Variants in PAK5 observed in about 807,000 individuals in gnomAD.
The protein encoded by PAK5 is p21 (RAC1) activated kinase 5.
Under a neutral mutation model 65.9 loss-of-function variants are expected in PAK5, and 16 were observed. That is an observed-to-expected ratio of 0.24 (90% CI 0.16 to 0.37). PAK5 has a LOEUF of 0.37. Among genes scored for constraint, PAK5 ranks in the 10% least tolerant of loss-of-function variants. The pLI is 1.00. For missense variants in PAK5, 785 were observed against 903.9 expected (o/e 0.87, Z 1.69); for synonymous variants, 371 against 354.9 (o/e 1.05, Z -0.51).
At chr20:9,834,133 A>C (rs1312955306) in intron 1 of PAK5, among the ~76,000 whole-genome samples, 1 of 152,240 alleles carries the variant, frequency 6.6e-6, no homozygotes, top group Non-Finnish European at 1.5e-5. Flanking sequence ...GGTTACTTAC[A>C]TTAAAAACTT....
At position 9,776,403 on chromosome 20, in the gene PAK5, T is replaced by C. The variant is rs547834579; in HGVS notation, c.-162+62359A>G. On this transcript the variant is annotated intron_variant, in intron 1 of 9. Transcript: ENST00000353224. ...AAGCAGTAACCCATTCCTTGCACTGTGGGAGCTTATATTCTAATGGGGAGT... is the reference window on the plus strand; with the variant it reads ...AAGCAGTAACCCATTCCTTGCACTGCGGGAGCTTATATTCTAATGGGGAGT... 3.3e-5 allele frequency among the ~76,000 whole-genome samples: 5 copies of C among 152,332 alleles called. No homozygotes were observed. In the South Asian group the frequency reaches 8.3e-4, roughly 25 times the overall value.
chr20:9,610,065 A>G (rs1020023987), intron 3 of PAK5, among the ~76,000 whole-genome samples: 1 of 152,090 alleles, frequency 6.6e-6, no homozygotes, highest in African/African-American at 2.4e-5. Context: ...AAAACGACTC[A>G]AGCCTGCCCC....
At chr20:9,639,015 A>T (rs1164847150) in intron 3 of PAK5, among the ~76,000 whole-genome samples, 1 of 152,108 alleles carries the variant, frequency 6.6e-6, no homozygotes, top group Non-Finnish European at 1.5e-5. Flanking sequence ...GTTCTATTTA[A>T]CTTAAATAAT....
At chr20:9,832,966 A>G (rs1978847009) in intron 1 of PAK5, among the ~76,000 whole-genome samples, 1 of 152,240 alleles carries the variant, frequency 6.6e-6, no homozygotes, top group African/African-American at 2.4e-5. Flanking sequence ...TTTAAAATGC[A>G]TGCATTGCTG....
intron 3 of PAK5, among the ~76,000 whole-genome samples, chr20:9,624,956 T>C (rs115820255): frequency 6.6e-6 from 1 of 152,222 alleles, no homozygotes; most frequent in South Asian, 2.1e-4. Flanking sequence ...TCACATTGGT[T>C]TGTGGGCAAC....
intron 2 of PAK5, among the ~76,000 whole-genome samples, chr20:9,680,316 A>C (rs2047632458): frequency 6.6e-6 from 1 of 152,222 alleles, no homozygotes; most frequent in South Asian, 2.1e-4. Context: ...GGTTCTCAGA[A>C]GCTGATCCTT....
In PAK5 at chr20:9,743,410, C is replaced by T. The variant is rs573904568; in HGVS notation, c.-161-31975G>A. 9.5e-3 allele frequency among the ~76,000 whole-genome samples: 1,408 copies of T among 148,466 alleles called. 24 individuals are homozygous for T. Among genetic ancestry groups the T allele is most frequent in the African/African-American group, 0.034 (1,334 of 39,114 alleles). On this transcript the variant is annotated intron_variant, in intron 1 of 9. Transcript: ENST00000353224. ...ACAAGCCAAAAAAAAACAAACGAAA[C>T]AAAACAAAACAAAACAAACAAACAA... is the stretch of plus-strand genomic sequence containing the variant.
chr20:9,782,916 C>G (rs62192914), intron 1 of PAK5, among the ~76,000 whole-genome samples: 2 of 143,076 alleles, frequency 1.4e-5, no homozygotes, highest in African/African-American at 5.2e-5. Context: ...TCTTTTTTCT[C>G]TTTCTTTCTT....
intron 3 of PAK5, among the ~76,000 whole-genome samples, chr20:9,613,080 A>AGT (rs2046593722): frequency 6.6e-6 from 1 of 152,236 alleles, no homozygotes; most frequent in Non-Finnish European, 1.5e-5. Context: ...ACAGCACAGA[A>AGT]GTGGCAATAG....
rs1429069235 is a variant in PAK5 at position 9,765,391 on chromosome 20, C to T, written c.-161-53956G>A. ...CATAGTAGTAACTCAATAATTGGTG[C>T]AAAAATACTGATTGCCTATGGAACA... is the stretch of plus-strand genomic sequence containing the variant. On this transcript the variant is annotated intron_variant, in intron 1 of 9. Transcript: ENST00000353224. Among the ~76,000 whole-genome samples the T allele has an allele frequency of 3.3e-5, 5 of 152,126 alleles. No individual in the cohort carries two copies. The South Asian group carries it at 8.3e-4, about 25-fold the overall frequency.
intron 5 of PAK5, among the ~76,000 whole-genome samples, chr20:9,564,672 T>C (rs2045644782): frequency 1.3e-5 from 2 of 152,160 alleles, no homozygotes; most frequent in African/African-American, 4.8e-5. Context: ...TTTGATCTGT[T>C]CATCCTACTT....
At chr20:9,738,486 A>C (rs2048416133) in intron 1 of PAK5, among the ~76,000 whole-genome samples, 3 of 152,216 alleles carry the variant, frequency 2.0e-5, no homozygotes, top group Admixed American at 2.0e-4. Context: ...TTTAACAATA[A>C]ATAGAATAAA....
chr20:9,798,993 C>A (rs1017345050), intron 1 of PAK5, among the ~76,000 whole-genome samples: 2 of 152,028 alleles, frequency 1.3e-5, no homozygotes, highest in African/African-American at 4.8e-5. Flanking sequence ...CTAGGGAGAG[C>A]TTTGCATAAA....
chr20:9,712,292 A>G (rs979268095), intron 1 of PAK5, among the ~76,000 whole-genome samples: 7 of 152,206 alleles, frequency 4.6e-5, no homozygotes, highest in African/African-American at 1.7e-4. Context: ...ACAAATTCCC[A>G]ACCTTGTTTA....
At chr20:9,559,038 T>G (rs1156296352) in intron 6 of PAK5, among the ~76,000 whole-genome samples, 1 of 152,128 alleles carries the variant, frequency 6.6e-6, no homozygotes, top group Non-Finnish European at 1.5e-5. Flanking sequence ...CCCTCACCAC[T>G]TGAATGAATG....
At chr20:9,717,084 CAAA>C (rs58508007) in intron 1 of PAK5, among the ~76,000 whole-genome samples, 2 of 122,454 alleles carry the variant, frequency 1.6e-5, no homozygotes, top group Non-Finnish European at 3.5e-5. Flanking sequence ...GAACTTATCT[CAAA>C]AAAAAAAAAA....
chr20:9,674,529 AT>A (rs1398526016), intron 2 of PAK5, among the ~76,000 whole-genome samples: 1 of 152,070 alleles, frequency 6.6e-6, no homozygotes, highest in Non-Finnish European at 1.5e-5. Flanking sequence ...ATCTTAACTG[AT>A]TTTGTTATTT....
At chr20:9,748,889 T>C (rs2048540283) in intron 1 of PAK5, among the ~76,000 whole-genome samples, 1 of 152,202 alleles carries the variant, frequency 6.6e-6, no homozygotes, top group African/African-American at 2.4e-5. Flanking sequence ...CAGTGGCTAG[T>C]GGCTGCCATG....
chr20:9,793,489 C>T (rs2049071718), intron 1 of PAK5, among the ~76,000 whole-genome samples: 1 of 151,988 alleles, frequency 6.6e-6, no homozygotes, highest in African/African-American at 2.4e-5. Context: ...GACAAGAATT[C>T]ATATCCTTTG....
Sources: allele counts gnomAD v4.1 joint callset (sites outside exome capture counted in the v4.1 genomes callset), GRCh38; gene constraint gnomAD v4.1.1; transcripts MANE v1.5; gene names NCBI Gene and HGNC (gene_info 2026-07-23, HGNC 2026-07-21).